Variants in DAAM1 observed in about 807,000 individuals in gnomAD.
DAAM1 encodes dishevelled associated activator of morphogenesis 1.
A neutral mutation model predicts 130.0 loss-of-function variants in DAAM1; 52 were observed. That is an observed-to-expected ratio of 0.40 (90% CI 0.32 to 0.50). The LOEUF (loss-of-function observed/expected upper bound fraction) is 0.50, where lower values mean the gene tolerates loss of function less well. Ranked by LOEUF, DAAM1 falls within the 20% of genes least tolerant of loss-of-function variation. The pLI is 0.61. For synonymous variants in DAAM1, 452 were observed against 444.5 expected (o/e 1.02, Z -0.21); for missense variants, 1,134 against 1,303.8 (o/e 0.87, Z 2.01).
At chr14:59,353,482 T>C (rs185011272) in intron 18 of DAAM1, among the ~76,000 whole-genome samples, 101 of 152,332 alleles carry the variant, frequency 6.6e-4, no homozygotes, top group African/African-American at 2.4e-3. Flanking sequence ...GGAACTGTCC[T>C]TTATTTGCAG....
intron 20 of DAAM1, among the ~76,000 whole-genome samples, chr14:59,358,822 A>T (rs1409074615): frequency 7.1e-6 from 1 of 140,090 alleles, no homozygotes. Flanking sequence ...CAGCCTGGGC[A>T]ACAGACCCCA....
chr14:59,198,340 G>A (rs762559495), intron 1 of DAAM1, among the ~76,000 whole-genome samples: 2 of 151,670 alleles, frequency 1.3e-5, no homozygotes, highest in Admixed American at 6.6e-5. Context: ...CAAGTAGCTG[G>A]GATTACAGGT....
At chr14:59,282,531 A>C (rs1194172422) in intron 2 of DAAM1, among the ~76,000 whole-genome samples, 1 of 152,136 alleles carries the variant, frequency 6.6e-6, no homozygotes, top group Non-Finnish European at 1.5e-5. Flanking sequence ...GCTAAGAGAC[A>C]CTCAGTAGAT....
intron 1 of DAAM1, among the ~76,000 whole-genome samples, chr14:59,248,944 C>T (rs1002613454): frequency 1.1e-4 from 16 of 152,270 alleles, no homozygotes; most frequent in East Asian, 7.7e-4. Context: ...CCCACCACCA[C>T]GCCCGGCTAA....
chr14:59,284,552 A>C (rs1883359712), intron 2 of DAAM1, among the ~76,000 whole-genome samples: 3 of 152,194 alleles, frequency 2.0e-5, no homozygotes, highest in African/African-American at 7.2e-5. Flanking sequence ...GAGAAGGTTG[A>C]AACCCAATCC....
At chr14:59,221,712 C>T (rs1427087914) in intron 1 of DAAM1, among the ~76,000 whole-genome samples, 1 of 152,206 alleles carries the variant, frequency 6.6e-6, no homozygotes, top group Non-Finnish European at 1.5e-5. Flanking sequence ...ATGGGTCACT[C>T]CAGCCAACAC....
chr14:59,281,789 G>A (rs1422331420), intron 2 of DAAM1, among the ~76,000 whole-genome samples: 1 of 152,156 alleles, frequency 6.6e-6, no homozygotes, highest in Non-Finnish European at 1.5e-5. Flanking sequence ...GATCTTGTAA[G>A]GCTGTGATAG....
At chr14:59,358,836 CAA>C (rs35150898) in intron 20 of DAAM1, among the ~76,000 whole-genome samples, 2,283 of 137,864 alleles carry the variant, frequency 0.017, 32 homozygotes, top group Non-Finnish European at 0.019. Flanking sequence ...GACCCCATCT[CAA>C]AAAAAAAAAA....
intron 3 of DAAM1, among the ~76,000 whole-genome samples, chr14:59,294,838 A>T (rs1287640481): frequency 6.6e-6 from 1 of 152,216 alleles, no homozygotes; most frequent in African/African-American, 2.4e-5. Flanking sequence ...GTATTTGCTT[A>T]TTGTTAACAT....
intron 1 of DAAM1, among the ~76,000 whole-genome samples, chr14:59,234,074 AGCTTTGTTC>A (rs1889208075): frequency 6.6e-6 from 1 of 152,166 alleles, no homozygotes; most frequent in Non-Finnish European, 1.5e-5. Context: ...TGATGCCTCC[AGCTTTGTTC>A]TTCTTGCTTA....
chr14:59,214,204 G>T (rs545897214), intron 1 of DAAM1, among the ~76,000 whole-genome samples: 2 of 152,318 alleles, frequency 1.3e-5, no homozygotes, highest in Admixed American at 6.5e-5. Flanking sequence ...AAAGGGTGCT[G>T]TGTAGACCTA....
At chr14:59,354,272 G>C (rs910270666) in intron 19 of DAAM1, among the ~76,000 whole-genome samples, 1 of 152,166 alleles carries the variant, frequency 6.6e-6, no homozygotes. Flanking sequence ...ACGTTAGCCA[G>C]GATGGTCTCA....
At chr14:59,256,595 GA>G (rs1394049589) in intron 1 of DAAM1, among the ~76,000 whole-genome samples, 1 of 152,232 alleles carries the variant, frequency 6.6e-6, no homozygotes, top group African/African-American at 2.4e-5. Flanking sequence ...AACAATGCCA[GA>G]AGCTGAGATT....
chr14:59,231,513 C>T (rs1334859053), intron 1 of DAAM1, among the ~76,000 whole-genome samples: 1 of 152,110 alleles, frequency 6.6e-6, no homozygotes. Flanking sequence ...CATTTAAAAA[C>T]ACGTTATTAT....
intron 3 of DAAM1, among the ~76,000 whole-genome samples, chr14:59,310,066 T>C (rs1325783911): frequency 1.3e-5 from 2 of 151,984 alleles, no homozygotes; most frequent in Non-Finnish European, 2.9e-5. Flanking sequence ...CATTAGTGTA[T>C]GGGATTGGAC....
At chr14:59,209,188 C>T (rs1888354664) in intron 1 of DAAM1, among the ~76,000 whole-genome samples, 1 of 152,212 alleles carries the variant, frequency 6.6e-6, no homozygotes, top group Non-Finnish European at 1.5e-5. Flanking sequence ...TCCCTCTTGG[C>T]ATACATTTCT....
intron 1 of DAAM1, among the ~76,000 whole-genome samples, chr14:59,255,787 A>G (rs375977662): frequency 5.9e-5 from 9 of 152,338 alleles, no homozygotes; most frequent in African/African-American, 2.2e-4. Flanking sequence ...AACAATGACT[A>G]TATTTTAGTG....
chr14:59,281,326 C>G (rs549166920), intron 2 of DAAM1, among the ~76,000 whole-genome samples: 145 of 152,270 alleles, frequency 9.5e-4, no homozygotes, highest in South Asian at 6.2e-3. Context: ...CTCACTACCC[C>G]CTTACCTTAT....
chr14:59,195,079 T>G (rs1378865233), intron 1 of DAAM1, among the ~76,000 whole-genome samples: 4 of 152,070 alleles, frequency 2.6e-5, no homozygotes, highest in African/African-American at 9.7e-5. Context: ...ATCATAAAAT[T>G]TTTTGAACAG....
Sources: gnomAD v4.1 joint callset for allele counts (sites outside exome capture counted in the v4.1 genomes callset) on GRCh38, gnomAD v4.1.1 for gene constraint, MANE v1.5 for transcripts, NCBI Gene and HGNC (gene_info 2026-07-23, HGNC 2026-07-21) for gene names.